KDM2B: variants seen among roughly 807,000 people sequenced by gnomAD.
KDM2B encodes the protein lysine demethylase 2B, also known as lysine-specific demethylase 2B.
KDM2B carries 26 observed loss-of-function variants against 150.0 expected under a neutral mutation model. The ratio of observed to expected loss-of-function variants is 0.17; its 90% CI spans 0.13 to 0.24. KDM2B has a LOEUF of 0.24. KDM2B is among the 10% of genes least tolerant of loss of function. The probability of loss-of-function intolerance (pLI) is 1.00; values close to 1 mark genes in which losing one functional copy is unlikely to be tolerated. For missense variants in KDM2B, 1,265 were observed against 1,816.9 expected (o/e 0.70, Z 5.52); for synonymous variants, 734 against 729.5 (o/e 1.01, Z -0.10).
chr12:121,464,983 C>T (rs782525341), intron 12 of KDM2B, among the ~76,000 whole-genome samples: 32 of 152,244 alleles, frequency 2.1e-4, no homozygotes, highest in East Asian at 3.9e-4. Flanking sequence ...CCCCCAACTA[C>T]GGGGTACCTT....
chr12:121,471,928 C>G (rs1236012378), intron 12 of KDM2B, among the ~76,000 whole-genome samples: 2 of 152,154 alleles, frequency 1.3e-5, no homozygotes, highest in Admixed American at 1.3e-4. Context: ...TCGAGACCAA[C>G]CTGGCCAACA....
intron 8 of KDM2B, among the ~76,000 whole-genome samples, chr12:121,529,120 TCAA>T (rs1365399614): frequency 6.6e-6 from 1 of 152,076 alleles, no homozygotes; most frequent in Non-Finnish European, 1.5e-5. Context: ...CAACAGCATA[TCAA>T]CAAGATAATC....
At chr12:121,449,005 A>G (rs1198903322) in intron 13 of KDM2B, among the ~76,000 whole-genome samples, 1 of 152,254 alleles carries the variant, frequency 6.6e-6, no homozygotes, top group African/African-American at 2.4e-5. Context: ...AGGACAGAGC[A>G]GGCCAGGCCA....
intron 22 of KDM2B, chr12:121,433,078 T>C (rs190311461): frequency 2.2e-5 from 10 of 451,834 alleles, no homozygotes; most frequent in Admixed American, 1.7e-4. Flanking sequence ...CTGGCTCCTT[T>C]TCTGAGTTGT....
intron 13 of KDM2B, 106 bp from the exon 14 acceptor site, chr12:121,445,524 G>C: frequency 8.3e-7 from 1 of 1,203,996 alleles, no homozygotes; most frequent in Non-Finnish European, 1.1e-6. Flanking sequence ...CCTGCCAGGA[G>C]ACCCCCGGAA....
chr12:121,574,526 C>T (rs782178083), intron 4 of KDM2B, 21 bp downstream of exon 4: 10 of 1,613,018 alleles, frequency 6.2e-6, no homozygotes, highest in Non-Finnish European at 5.1e-6. Context: ...GTCTGAGCCA[C>T]ACACACGGCA....
Position 121,559,570 on chromosome 12 carries a change from T to C in KDM2B, c.398-9932A>G, listed in dbSNP as rs369771945. Among the ~76,000 whole-genome samples, 50 of 151,926 alleles carry C rather than the reference T, an allele frequency of 3.3e-4. No individual in the cohort carries two copies. In the East Asian group the frequency reaches 9.5e-3, roughly 29 times the overall value. Reference sequence around the variant, plus strand: ...CAGAGGGGACCAGGGAGGCAGGAGATGTAGGGAGAATCCAGAGAGTGAAAG... The same window carrying C: ...CAGAGGGGACCAGGGAGGCAGGAGACGTAGGGAGAATCCAGAGAGTGAAAG... On this transcript the variant is annotated intron_variant, in intron 4 of 22. Coordinates refer to ENST00000377071, the MANE Select transcript of KDM2B (RefSeq NM_032590.5).
At chr12:121,507,634 TTCA>T (rs1362131614) in intron 11 of KDM2B, among the ~76,000 whole-genome samples, 1 of 152,096 alleles carries the variant, frequency 6.6e-6, no homozygotes, top group Non-Finnish European at 1.5e-5. Context: ...GGAGCCAAGT[TTCA>T]TCCCTAGGAG....
chr12:121,412,549 TTG>T, the KDM2B span, among the ~76,000 whole-genome samples: 2 of 151,782 alleles, frequency 1.3e-5, no homozygotes, highest in Non-Finnish European at 2.9e-5. Flanking sequence ...GGCCTAATTT[TTG>T]TGTTTTTAGT....
chr12:121,493,851 T>TA (rs1883622789), intron 12 of KDM2B: 1 of 151,240 alleles, frequency 6.6e-6, no homozygotes, highest in South Asian at 2.1e-4. Flanking sequence ...AGACATTTTT[T>TA]TTTTATTTTA....
At chr12:121,419,274 C>A in the KDM2B span, among the ~76,000 whole-genome samples, 1 of 152,218 alleles carries the variant, frequency 6.6e-6, no homozygotes, top group East Asian at 1.9e-4. Flanking sequence ...CGGCCATGCC[C>A]TATAGCCTAG....
chr12:121,442,143 A>G lies in KDM2B; in HGVS notation c.3284+14T>C, dbSNP rs782475861. On this transcript the variant is annotated intron_variant, in intron 19 of 22. Transcript: ENST00000377071. The surrounding 1 kb of genome is among the most constrained non-coding windows in gnomAD (Gnocchi z 7.7). ...TGAGCCTTAACCTAGAGCCCTACAC[A>G]GGCCGCCGCTCACCAGCGGTTCCAG... 1.9e-6 allele frequency: 3 copies of G among 1,611,822 alleles called. No homozygotes were observed. The highest frequency in any genetic ancestry group is 1.7e-5 in the Admixed American group (1 of 59,962).
At chr12:121,450,582 G>A (rs782151283) in intron 13 of KDM2B, among the ~76,000 whole-genome samples, 5 of 152,068 alleles carry the variant, frequency 3.3e-5, no homozygotes, top group Non-Finnish European at 1.5e-5. Context: ...AACCTTCATC[G>A]GGTGCGGTGG....
chr12:121,410,031 T>C, the KDM2B span, among the ~76,000 whole-genome samples: 3 of 151,944 alleles, frequency 2.0e-5, no homozygotes, highest in Admixed American at 6.6e-5. Context: ...GGCAGATGCC[T>C]GTAATCCCAG....
rs782467851 is a variant in KDM2B at position 121,444,200 on chromosome 12, G to A, written c.2263C>T (p.Arg755Trp). Reference sequence around the variant, plus strand: ...GGTTCCTGCCCTTCCTTGTTGTCCCGGTTCATCTTCTGCTCCTTGAGCAGG... The same window carrying A: ...GGTTCCTGCCCTTCCTTGTTGTCCCAGTTCATCTTCTGCTCCTTGAGCAGG... Reference protein sequence around the residue: ...GSLLKEQKMNRDNKEGQEPAK... With the variant: ...GSLLKEQKMNWDNKEGQEPAK... Residue 755 changes from arginine (R) to tryptophan (W), a missense_variant, in exon 16 of 23, where the codon CGG (arginine) becomes TGG (tryptophan). Arg to Trp is a moderately radical substitution (Grantham distance 101). Coordinates refer to ENST00000377071, the MANE Select transcript of KDM2B (RefSeq NM_032590.5). 5 of 1,613,152 alleles carry A rather than the reference G, an allele frequency of 3.1e-6. No individual in the cohort carries two copies. Among genetic ancestry groups the A allele is most frequent in the Non-Finnish European group, 4.2e-6 (5 of 1,180,032 alleles).
At position 121,442,661 on chromosome 12, in the gene KDM2B, G is replaced by C; in HGVS notation, c.2780C>G (p.Pro927Arg). The change falls in exon 19 of 23, where the codon CCG becomes CGG. Residue 927 changes from proline (P) to arginine (R), a missense_variant. Transcript: ENST00000377071. This position sits in a 1 kb window ranked among gnomAD's most constrained non-coding sequence, Gnocchi z 7.7. The part of the protein sequence containing the change: ...AGPSTEGAEG[P>R]EEKKKVKMRR... ...CATCTTCACCTTCTTCTTCTCCTCC[G>C]GGCCCTCGGCCCCTTCGGTGCTGGG... The C allele has an allele frequency of 1.2e-6, 2 of 1,605,584 alleles. No individual in the cohort carries two copies. Among genetic ancestry groups the C allele is most frequent in the Middle Eastern group, 1.7e-4 (1 of 6,050 alleles).
intron 8 of KDM2B, among the ~76,000 whole-genome samples, chr12:121,524,963 C>CT (rs144935797): frequency 0.031 from 4,771 of 152,278 alleles, 242 homozygotes; most frequent in African/African-American, 0.11. Flanking sequence ...CTGCTCAGGA[C>CT]TCGGAATCCA....
At chr12:121,436,529 A>G (rs1874017186) in intron 22 of KDM2B, among the ~76,000 whole-genome samples, 1 of 152,082 alleles carries the variant, frequency 6.6e-6, no homozygotes, top group Non-Finnish European at 1.5e-5. Context: ...TCAAAAAAAA[A>G]AAAAAAAGTT....
rs545791099 is a variant in KDM2B at position 121,545,717 on chromosome 12, A to T, written c.683+3160T>A. 4.6e-5 allele frequency among the ~76,000 whole-genome samples: 7 copies of T among 152,270 alleles called. No homozygotes were observed. The South Asian group carries it at 1.5e-3, about 32-fold the overall frequency. The stretch of plus-strand genomic sequence containing the variant: ...GCCATCCAATCCCCATAGCAACAAG[A>T]GGACCTGCAGAATGCAAACCTGAAC... On this transcript the variant is annotated intron_variant, in intron 6 of 22. Transcript: ENST00000377071.
Sources: allele counts gnomAD v4.1 joint callset (sites outside exome capture counted in the v4.1 genomes callset), GRCh38; gene constraint gnomAD v4.1.1; non-coding constraint Gnocchi (gnomAD v3.1); transcripts MANE v1.5; gene names NCBI Gene and HGNC (gene_info 2026-07-23, HGNC 2026-07-21).